Variants in TENM4 observed in about 807,000 individuals in gnomAD.
The protein encoded by TENM4 is teneurin transmembrane protein 4.
TENM4 carries 82 observed loss-of-function variants against 243.3 expected under a neutral mutation model. The ratio of observed to expected loss-of-function variants is 0.34; its 90% CI spans 0.28 to 0.40. TENM4 has a LOEUF of 0.40. TENM4 is among the 10% of genes least tolerant of loss of function. The pLI, the probability that TENM4 is intolerant of heterozygous loss-of-function variation, is 1.00. For synonymous variants in TENM4, 1,412 were observed against 1,456.3 expected, an observed-to-expected ratio of 0.97 and a Z score of 0.69; for missense variants, 3,138 against 3,673.3, an observed-to-expected ratio of 0.85 and a Z score of 3.77.
intron 1 of TENM4, among the ~76,000 whole-genome samples, chr11:79,324,924 G>C (rs533551665): frequency 7.2e-5 from 11 of 152,266 alleles, no homozygotes; most frequent in Non-Finnish European, 1.3e-4. Context: ...GAAGTCAGAA[G>C]GGACCACTCC....
chr11:79,180,209 G>A (rs1863254243), intron 3 of TENM4, among the ~76,000 whole-genome samples: 1 of 151,626 alleles, frequency 6.6e-6, no homozygotes, highest in South Asian at 2.1e-4. Context: ...CCCAAGGTGA[G>A]AGCAGATCCC....
At chr11:79,280,747 AGGT>A (rs1375246174) in intron 2 of TENM4, among the ~76,000 whole-genome samples, 1 of 152,128 alleles carries the variant, frequency 6.6e-6, no homozygotes, top group Non-Finnish European at 1.5e-5. Context: ...TATCTCTCCC[AGGT>A]TAAACTCCCC....
intron 4 of TENM4, among the ~76,000 whole-genome samples, chr11:79,134,455 C>A (rs1055330215): frequency 6.6e-6 from 1 of 152,224 alleles, no homozygotes; most frequent in African/African-American, 2.4e-5. Flanking sequence ...CAATTCCCAT[C>A]AAAATACTAC....
intron 3 of TENM4, among the ~76,000 whole-genome samples, chr11:79,205,465 T>C (rs1863834169): frequency 6.6e-6 from 1 of 152,224 alleles, no homozygotes; most frequent in Non-Finnish European, 1.5e-5. Context: ...TTTATCTCCA[T>C]ACCCGCATCC....
Position 78,712,666 on chromosome 11 carries a change from C to T in TENM4, c.3870G>A (p.Gly1290=), listed in dbSNP as rs745844016. The T allele has an allele frequency of 5.0e-6, 8 of 1,613,824 alleles. No individual in the cohort carries two copies. The African/African-American group carries it at 5.3e-5, about 11-fold the overall frequency. Residue 1290 remains glycine, a synonymous_variant, in exon 26 of 34, where the codon GGG becomes GGA. Transcript: ENST00000278550. ...TGTTGCTGTCAGAAAGGAAGACGGC[C>T]CCACTCATGGGGTCTGTGGCCAGGT... The part of the protein sequence containing the change: ...KYYLATDPMS[G]AVFLSDSNSR...
At chr11:79,245,177 C>T (rs748792930) in intron 2 of TENM4, among the ~76,000 whole-genome samples, 21 of 152,168 alleles carry the variant, frequency 1.4e-4, no homozygotes, top group Non-Finnish European at 1.9e-4. Flanking sequence ...CCATCCTGCA[C>T]GTGGAAGCCT....
At chr11:79,033,332 G>A (rs1181048884) in intron 6 of TENM4, among the ~76,000 whole-genome samples, 1 of 152,182 alleles carries the variant, frequency 6.6e-6, no homozygotes, top group Non-Finnish European at 1.5e-5. Flanking sequence ...CACCAGAGGA[G>A]AAATGGGGTA....
chr11:78,939,201 T>A (rs1409451559), intron 6 of TENM4, among the ~76,000 whole-genome samples: 2 of 152,184 alleles, frequency 1.3e-5, no homozygotes, highest in Non-Finnish European at 2.9e-5. Context: ...ACACTCAGTC[T>A]CCCGAGGAAC....
At chr11:79,406,984 G>A (rs1254457397) in intron 1 of TENM4, among the ~76,000 whole-genome samples, 1 of 152,166 alleles carries the variant, frequency 6.6e-6, no homozygotes, top group Non-Finnish European at 1.5e-5. Context: ...TCTATGCTCT[G>A]TGCTGGGCCC....
At chr11:78,695,511 GCAC>G (rs1365748580) in intron 28 of TENM4, among the ~76,000 whole-genome samples, 1 of 151,872 alleles carries the variant, frequency 6.6e-6, no homozygotes, top group Non-Finnish European at 1.5e-5. Context: ...CTACAGGTGC[GCAC>G]CACCATGCCC....
At chr11:79,348,333 C>T (rs1381872344) in intron 1 of TENM4, among the ~76,000 whole-genome samples, 1 of 152,106 alleles carries the variant, frequency 6.6e-6, no homozygotes, top group African/African-American at 2.4e-5. Context: ...CCGGTTGCCT[C>T]CCAAAGAACT....
intron 33 of TENM4, among the ~76,000 whole-genome samples, chr11:78,660,962 T>C (rs1037387014): frequency 6.6e-6 from 1 of 152,156 alleles, no homozygotes; most frequent in Non-Finnish European, 1.5e-5. Context: ...AACAGGCACA[T>C]CTGGGTTTGA....
chr11:78,785,052 TTTG>T (rs1323621454), intron 16 of TENM4, among the ~76,000 whole-genome samples: 3 of 58,566 alleles, frequency 5.1e-5, no homozygotes, highest in Admixed American at 1.2e-4. Context: ...TGTTTCTGTT[TTTG>T]TTTTTTTTTT....
chr11:79,163,598 G>A (rs1000800698), intron 3 of TENM4, among the ~76,000 whole-genome samples: 2 of 151,522 alleles, frequency 1.3e-5, no homozygotes, highest in South Asian at 2.1e-4. Context: ...ATGCCTTTGC[G>A]CCCTCATAGC....
chr11:78,788,654 T>C (rs1387469602), intron 15 of TENM4, among the ~76,000 whole-genome samples: 2 of 152,248 alleles, frequency 1.3e-5, no homozygotes, highest in Non-Finnish European at 2.9e-5. Context: ...CAAAAAGGCA[T>C]GACAAAGATC....
At chr11:79,298,570 G>A (rs1056162280) in intron 1 of TENM4, among the ~76,000 whole-genome samples, 2 of 149,134 alleles carry the variant, frequency 1.3e-5, no homozygotes, top group South Asian at 4.3e-4. Context: ...AAACTGGACC[G>A]GCTGGTCACA....
At chr11:78,895,188 T>C (rs1469578488) in intron 7 of TENM4, among the ~76,000 whole-genome samples, 1 of 151,372 alleles carries the variant, frequency 6.6e-6, no homozygotes, top group African/African-American at 2.4e-5. Context: ...ACAAGAAAAT[T>C]AGCTAGGCAC....
At chr11:78,992,794 C>T (rs1324551850) in intron 6 of TENM4, among the ~76,000 whole-genome samples, 2 of 152,162 alleles carry the variant, frequency 1.3e-5, no homozygotes, top group Non-Finnish European at 2.9e-5. Flanking sequence ...TGACCGGAGG[C>T]AATTTACTTA....
chr11:78,922,755 C>T (rs1856473122), intron 6 of TENM4, among the ~76,000 whole-genome samples: 1 of 152,118 alleles, frequency 6.6e-6, no homozygotes, highest in Admixed American at 6.5e-5. Context: ...GTGAGTTAAA[C>T]AAAAATGTTC....
Sources: allele counts gnomAD v4.1 joint callset (sites outside exome capture counted in the v4.1 genomes callset), GRCh38; gene constraint gnomAD v4.1.1; transcripts MANE v1.5; gene names NCBI Gene and HGNC (gene_info 2026-07-23, HGNC 2026-07-21).